The following CHD1 variants were observed in gnomAD, a reference collection of about 807,000 sequenced individuals.
CHD1 encodes the protein ATP-dependent chromatin remodeler CHD1.
CHD1 carries 36 observed loss-of-function variants against 224.2 expected under a neutral mutation model. The ratio of observed to expected loss-of-function variants is 0.16; its 90% CI spans 0.12 to 0.21. CHD1 has a LOEUF of 0.21. Among genes scored for constraint, CHD1 ranks in the 10% least tolerant of loss-of-function variants. The pLI, the probability that CHD1 is intolerant of heterozygous loss-of-function variation, is 1.00. For synonymous variants in CHD1, 668 were observed against 658.3 expected (o/e 1.01, Z -0.23); for missense variants, 1,378 against 1,994.8 (o/e 0.69, Z 5.89).
intron 18 of CHD1, 142 bp downstream of exon 18, chr5:98,885,436 C>T: frequency 1.6e-6 from 1 of 618,756 alleles, no homozygotes; most frequent in Non-Finnish European, 2.8e-6. Flanking sequence ...GACTTTAAAA[C>T]CTCATTTGCT....
At position 98,869,517 on chromosome 5, in the gene CHD1, C is replaced by T. The variant is rs77237551; in HGVS notation, c.4107+237G>A. 9.2e-3 allele frequency: 3,858 copies of T among 417,890 alleles called. 38 individuals are homozygous for T. The highest frequency in any genetic ancestry group is 0.033 in the East Asian group (702 of 21,364). 25.9% of individuals were successfully genotyped at this position (417,890 alleles called of 1,614,324 possible). A position where few individuals can be genotyped will look rare whatever the true frequency, so the allele number is the denominator to read the frequency against. ...TTGGCAAATGTTTGAAAAGGAAGGA[C>T]CTTTGCTCTATGCCTCTAGTGCTAT... On this transcript the variant is annotated intron_variant, in intron 30 of 35. Transcript: ENST00000614616.
intron 2 of CHD1, 62 bp downstream of exon 2, chr5:98,926,272 G>A: frequency 9.6e-7 from 1 of 1,037,924 alleles, no homozygotes; most frequent in East Asian, 2.8e-5. Context: ...TAACAATAAA[G>A]AAAAAAGTCA....
At chr5:98,888,496 C>A (rs916322704) in intron 16 of CHD1, among the ~76,000 whole-genome samples, 1 of 152,176 alleles carries the variant, frequency 6.6e-6, no homozygotes, top group Middle Eastern at 3.2e-3. Flanking sequence ...ACTCTGTTTG[C>A]TAGTTACTAT....
intron 32 of CHD1, chr5:98,860,820 C>T (rs1242179459): frequency 6.6e-6 from 1 of 152,068 alleles, no homozygotes; most frequent in Non-Finnish European, 1.5e-5. Flanking sequence ...TTAAAATGAA[C>T]TTTGAGAATA....
intron 2 of CHD1, among the ~76,000 whole-genome samples, chr5:98,910,245 A>C (rs1752304123): frequency 6.6e-6 from 1 of 152,138 alleles, no homozygotes; most frequent in South Asian, 2.1e-4. Flanking sequence ...TGCAAATGGC[A>C]CTATTTATTT....
chr5:98,890,889 A>G (rs978471070), intron 15 of CHD1, among the ~76,000 whole-genome samples: 5 of 152,174 alleles, frequency 3.3e-5, no homozygotes, highest in African/African-American at 1.2e-4. Flanking sequence ...AGAAGTACCT[A>G]TAGATAATAA....
intron 32 of CHD1, 131 bp downstream of exon 32, chr5:98,863,273 AAAAC>A (rs1309016124): frequency 2.1e-6 from 1 of 475,106 alleles, no homozygotes; most frequent in African/African-American, 2.0e-5. Flanking sequence ...GAGAAAAATT[AAAAC>A]AATCATCTGT....
At chr5:98,903,228 A>G (rs992213300) in intron 4 of CHD1, among the ~76,000 whole-genome samples, 3 of 152,150 alleles carry the variant, frequency 2.0e-5, no homozygotes, top group African/African-American at 7.2e-5. Context: ...GGAGACCATT[A>G]TTGTTGCCTA....
At chr5:98,905,992 C>T (rs1752025874) in intron 2 of CHD1, among the ~76,000 whole-genome samples, 1 of 152,144 alleles carries the variant, frequency 6.6e-6, no homozygotes, top group African/African-American at 2.4e-5. Flanking sequence ...ACAGGTAATA[C>T]AGTTTACAGA....
intron 14 of CHD1, among the ~76,000 whole-genome samples, chr5:98,893,199 G>A (rs935785039): frequency 7.9e-5 from 12 of 152,068 alleles, no homozygotes; most frequent in Non-Finnish European, 1.0e-4. Flanking sequence ...ATCAACTGTC[G>A]TGATTTATTA....
intron 11 of CHD1, among the ~76,000 whole-genome samples, chr5:98,896,910 A>G (rs113955233): frequency 3.6e-3 from 552 of 152,204 alleles, no homozygotes; most frequent in African/African-American, 0.013. Flanking sequence ...GGAAAAAGAG[A>G]AATATTCCAG....
Position 98,883,085 on chromosome 5 carries a change from T to C in CHD1, c.2718+3A>G. On this transcript the variant is annotated splice_donor_region_variant and intron_variant, in intron 19 of 35. Transcript: ENST00000614616. ...ATATAATATAAATTAAAATTAAAAA[T>C]ACCTGTTTCTTTTGCCCAATTCGAT... 7.3e-7 allele frequency: 1 copy of C among 1,374,416 alleles called. No homozygotes were observed. The highest frequency in any genetic ancestry group is 9.7e-7 in the Non-Finnish European group (1 of 1,034,578). The allele number at this position is 1,374,416 out of a possible 1,614,324, so 85.1% of individuals were successfully genotyped here. A position where few individuals can be genotyped will look rare whatever the true frequency, so the allele number is the denominator to read the frequency against.
intron 30 of CHD1, chr5:98,869,516 A>G (rs1448389252): frequency 1.2e-5 from 5 of 407,972 alleles, no homozygotes; most frequent in Non-Finnish European, 1.7e-5. Flanking sequence ...AAAAGGAAGG[A>G]CCTTTGCTCT....
rs2112442493 is a variant in CHD1 at position 98,858,095 on chromosome 5, T to C, written c.4787+85A>G. On this transcript the variant is annotated intron_variant, in intron 35 of 35. Transcript: ENST00000614616. Reference sequence around the variant, plus strand: ...TTGTTTTGACTGCATGAAGATTGAATTGGCTGACAGGTCAAATACAGGAAC... The same window carrying C: ...TTGTTTTGACTGCATGAAGATTGAACTGGCTGACAGGTCAAATACAGGAAC... The C allele has an allele frequency of 7.9e-6, 8 of 1,013,608 alleles. No homozygotes were observed. The East Asian group carries it at 9.5e-5, about 12-fold the overall frequency. The allele number at this position is 1,013,608 out of a possible 1,614,324, so 62.8% of individuals were successfully genotyped here.
At chr5:98,882,939 G>T in intron 19 of CHD1, 149 bp downstream of exon 19, 1 of 443,336 alleles carries the variant, frequency 2.3e-6, no homozygotes, top group Non-Finnish European at 3.8e-6. Context: ...GGTGATTTTG[G>T]TAAACCAAGC....
At chr5:98,878,731 G>T (rs968277487) in intron 23 of CHD1, among the ~76,000 whole-genome samples, 4 of 152,018 alleles carry the variant, frequency 2.6e-5, no homozygotes, top group African/African-American at 9.7e-5. Flanking sequence ...CTAAATATCT[G>T]AACATTTTAA....
chr5:98,907,590 A>AG (rs1264686953), intron 2 of CHD1, among the ~76,000 whole-genome samples: 1 of 148,310 alleles, frequency 6.7e-6, no homozygotes, highest in Non-Finnish European at 1.5e-5. Context: ...CTCCATCTCA[A>AG]AAAAAAAAAA....
chr5:98,896,136 C>G lies in CHD1; in HGVS notation c.1710+90G>C. ...TACCACTGCACTCCAGCCTGGGAGA[C>G]AGAGTGAAACCCCATCTCAAAACAA... On this transcript the variant is annotated intron_variant, in intron 12 of 35. Transcript: ENST00000614616. 3.7e-6 allele frequency: 4 copies of G among 1,086,210 alleles called. No individual in the cohort carries two copies. In the South Asian group the frequency reaches 5.5e-5, roughly 15 times the overall value. The allele number at this position is 1,086,210 out of a possible 1,614,324, so 67.3% of individuals were successfully genotyped here. A position where few individuals can be genotyped will look rare whatever the true frequency, so the allele number is the denominator to read the frequency against.
chr5:98,903,210 C>T (rs932644873), intron 4 of CHD1, among the ~76,000 whole-genome samples: 124 of 152,210 alleles, frequency 8.1e-4, no homozygotes, highest in African/African-American at 2.8e-3. Context: ...TTAAAATCTA[C>T]CCTCACTGGA....
Sources: allele counts gnomAD v4.1 joint callset (sites outside exome capture counted in the v4.1 genomes callset), GRCh38; gene constraint gnomAD v4.1.1; transcripts MANE v1.5; gene names NCBI Gene and HGNC (gene_info 2026-07-23, HGNC 2026-07-21).